The following SHROOM2 variants were observed in gnomAD, a reference collection of about 807,000 sequenced individuals.
SHROOM2 encodes shroom family member 2, also known as protein Shroom2.
A neutral mutation model predicts 75.9 loss-of-function variants in SHROOM2; 33 were observed. That is an observed-to-expected ratio of 0.43 (90% confidence interval 0.33 to 0.58). SHROOM2 has a LOEUF of 0.58. SHROOM2 is among the 20% of genes least tolerant of loss of function. SHROOM2 has a pLI of 0.04. For synonymous variants in SHROOM2, 655 were observed against 663.6 expected (o/e 0.99, Z 0.20); for missense variants, 1,434 against 1,461.2 (o/e 0.98, Z 0.30).
intron 6 of SHROOM2, among the ~76,000 whole-genome samples, chrX:9,936,900 C>T (rs970236681): frequency 9.0e-6 from 1 of 111,546 alleles, no homozygotes; most frequent in South Asian, 3.7e-4. Flanking sequence ...GTGGCATTGG[C>T]GGTTTGAGCA....
intron 1 of SHROOM2, among the ~76,000 whole-genome samples, chrX:9,869,737 T>C (rs1764157174): frequency 8.9e-6 from 1 of 112,684 alleles, no homozygotes; most frequent in Non-Finnish European, 1.9e-5. Flanking sequence ...ACATTTGGGT[T>C]GTGTTCACCT....
intron 1 of SHROOM2, chrX:9,819,065 C>T (rs778695256): frequency 4.7e-5 from 55 of 1,179,962 alleles, no homozygotes; most frequent in Non-Finnish European, 6.3e-5. Flanking sequence ...TGTCACTATT[C>T]TCAGGTGGGT....
At chrX:9,892,927 C>G (rs1463167154) in intron 3 of SHROOM2, among the ~76,000 whole-genome samples, 1 of 112,097 alleles carries the variant, frequency 8.9e-6, no homozygotes, top group Non-Finnish European at 1.9e-5. Flanking sequence ...ATTGAGAGCT[C>G]TCAGTCACAC....
At chrX:9,810,872 C>T (rs1348962638) in intron 1 of SHROOM2, among the ~76,000 whole-genome samples, 1 of 111,429 alleles carries the variant, frequency 9.0e-6, no homozygotes, top group African/African-American at 3.3e-5. Context: ...TTCTATTAAT[C>T]CAGCTGCTTC....
At chrX:9,873,987 T>A (rs749414935) in intron 2 of SHROOM2, among the ~76,000 whole-genome samples, 184 bp downstream of exon 2, 1 of 112,232 alleles carries the variant, frequency 8.9e-6, no homozygotes, top group South Asian at 3.7e-4. Flanking sequence ...CTAATTTTAT[T>A]ACGACGATTT....
intron 5 of SHROOM2, among the ~76,000 whole-genome samples, chrX:9,911,620 G>A (rs760926421): frequency 9.0e-6 from 1 of 110,587 alleles, no homozygotes; most frequent in South Asian, 3.9e-4. Flanking sequence ...TAGGAGGGAG[G>A]TGGGGCTCAG....
chrX:9,831,061 C>A (rs187608693), intron 1 of SHROOM2, among the ~76,000 whole-genome samples: 4 of 112,024 alleles, frequency 3.6e-5, no homozygotes, highest in Non-Finnish European at 7.5e-5. Flanking sequence ...CATGGAACTA[C>A]ACACAGGAGA....
intron 5 of SHROOM2, among the ~76,000 whole-genome samples, chrX:9,912,157 G>A (rs1165538092): frequency 1.1e-4 from 5 of 46,540 alleles, no homozygotes; most frequent in Non-Finnish European, 1.5e-4. Flanking sequence ...CACACATAAA[G>A]GAAGACTGCC....
intron 1 of SHROOM2, among the ~76,000 whole-genome samples, chrX:9,851,445 GCTTTTTTTTTTTT>G (rs1379707249): frequency 7.8e-5 from 4 of 51,565 alleles, no homozygotes; most frequent in South Asian, 6.6e-4. Flanking sequence ...CCAGGATATT[GCTTTTTTTTTTTT>G]CTTTTTTTTT....
At chrX:9,841,753 C>G (rs746223354) in intron 1 of SHROOM2, among the ~76,000 whole-genome samples, 1 of 111,834 alleles carries the variant, frequency 8.9e-6, no homozygotes, top group Non-Finnish European at 1.9e-5. Context: ...TTCAAACATT[C>G]TAATGAGGCT....
intron 1 of SHROOM2, among the ~76,000 whole-genome samples, chrX:9,788,683 GA>G (rs753010419): frequency 9.0e-6 from 1 of 110,967 alleles, no homozygotes; most frequent in East Asian, 2.9e-4. Context: ...TTGGGTCTGG[GA>G]TCTCCTGCAA....
chrX:9,897,063 G>C (rs914901802), intron 4 of SHROOM2, among the ~76,000 whole-genome samples: 6 of 112,369 alleles, frequency 5.3e-5, no homozygotes, highest in African/African-American at 1.9e-4. Context: ...TGTGGTTTAT[G>C]TAAAAGCTTA....
chrX:9,792,041 GAATAGAATAGAATAGAATAGAATAGAAT>G (rs2083656293), intron 1 of SHROOM2, among the ~76,000 whole-genome samples: 1 of 569 alleles, frequency 1.8e-3, no homozygotes, highest in East Asian at 0.019. Flanking sequence ...GAATAGAATA[GAATAGAATAGAATAGAATAGAATAGAAT>G]AGAATAGAAT....
At chrX:9,854,541 G>A (rs1168854944) in intron 1 of SHROOM2, among the ~76,000 whole-genome samples, 3 of 112,258 alleles carry the variant, frequency 2.7e-5, no homozygotes, top group African/African-American at 6.5e-5. Context: ...GGTGCCCACC[G>A]ATTCCAGCCC....
chrX:9,789,712 C>T (rs1194321604), intron 1 of SHROOM2, among the ~76,000 whole-genome samples: 1 of 111,193 alleles, frequency 9.0e-6, no homozygotes, highest in Non-Finnish European at 1.9e-5. Flanking sequence ...TGTCAGCAGC[C>T]CCCTGTGGCC....
At chrX:9,904,753 C>G (rs1390483669) in intron 5 of SHROOM2, among the ~76,000 whole-genome samples, 3 of 112,658 alleles carry the variant, frequency 2.7e-5, no homozygotes, top group South Asian at 3.7e-4. Context: ...TGTCCATTCT[C>G]CCCTTTAGCT....
intron 1 of SHROOM2, among the ~76,000 whole-genome samples, chrX:9,810,729 T>A (rs1342221724): frequency 9.0e-6 from 1 of 110,556 alleles, no homozygotes; most frequent in Non-Finnish European, 1.9e-5. Flanking sequence ...ATCCTGGCTA[T>A]GGGAGAAACA....
At chrX:9,823,650 T>G (rs2083871970) in intron 1 of SHROOM2, among the ~76,000 whole-genome samples, 1 of 111,620 alleles carries the variant, frequency 9.0e-6, no homozygotes, top group Non-Finnish European at 1.9e-5. Flanking sequence ...AGAGGCAGGA[T>G]CTATACGAAG....
chrX:9,792,161 A>AT lies in SHROOM2; in HGVS notation c.165+5452dup, dbSNP rs2083668701. On this transcript the variant is annotated intron_variant, in intron 1 of 9. Coordinates refer to ENST00000380913, the MANE Select transcript of SHROOM2 (RefSeq NM_001649.4). ...GAATAGAATAGAATAGAATAGAATA[A>AT]TCACCAGTATCTGATACAGGGAGGG... 4.0e-5 allele frequency among the ~76,000 whole-genome samples: 4 copies of AT among 99,835 alleles called. 2 individuals carry two copies. Among genetic ancestry groups the AT allele is most frequent in the South Asian group, 9.5e-4 (2 of 2,102 alleles). The allele number at this position is 99,835 out of a possible 115,157, so 86.7% of individuals were successfully genotyped here. A position where few individuals can be genotyped will look rare whatever the true frequency, so the allele number is the denominator to read the frequency against.
Sources: allele counts gnomAD v4.1 joint callset (sites outside exome capture counted in the v4.1 genomes callset), GRCh38; gene constraint gnomAD v4.1.1; transcripts MANE v1.5; gene names NCBI Gene and HGNC (gene_info 2026-07-23, HGNC 2026-07-21).